The following SLC24A2 variants were observed in gnomAD, a reference collection of about 807,000 sequenced individuals.
SLC24A2 encodes sodium/potassium/calcium exchanger 2.
Under a neutral mutation model 62.0 loss-of-function variants are expected in SLC24A2, and 36 were observed. That is an observed-to-expected ratio of 0.58 (90% CI 0.44 to 0.77). The LOEUF is 0.77. Among genes scored for constraint, SLC24A2 ranks in the 30% least tolerant of loss-of-function variants. SLC24A2 has a pLI of 0.00. For synonymous variants in SLC24A2, 358 were observed against 294.0 expected, an observed-to-expected ratio of 1.22 and a Z score of -2.23; for missense variants, 846 against 817.9, an observed-to-expected ratio of 1.03 and a Z score of -0.42.
chr9:19,827,327 G>A, the SLC24A2 span, among the ~76,000 whole-genome samples: 3 of 152,070 alleles, frequency 2.0e-5, no homozygotes, highest in Admixed American at 1.3e-4. Flanking sequence ...CAGTGTAGAC[G>A]CAAGATGACT....
At chr9:19,984,026 G>A in the SLC24A2 span, among the ~76,000 whole-genome samples, 1 of 152,158 alleles carries the variant, frequency 6.6e-6, no homozygotes, top group Non-Finnish European at 1.5e-5. Context: ...TATGTCCAGA[G>A]AAATCTGTAA....
At chr9:20,189,308 T>C in the SLC24A2 span, among the ~76,000 whole-genome samples, 1 of 152,134 alleles carries the variant, frequency 6.6e-6, no homozygotes. Flanking sequence ...AGAACAACAA[T>C]GAAGTTGTCA....
the SLC24A2 span, among the ~76,000 whole-genome samples, chr9:20,121,615 A>G: frequency 2.6e-5 from 4 of 152,342 alleles, no homozygotes; most frequent in East Asian, 5.8e-4. Flanking sequence ...GAAACGTGTT[A>G]TAAGTGCTTA....
the SLC24A2 span, chr9:19,927,424 A>C: frequency 6.6e-6 from 1 of 152,228 alleles, no homozygotes; most frequent in Non-Finnish European, 1.5e-5. Flanking sequence ...ATCTAATGAA[A>C]GTCAAGAGCT....
At chr9:20,081,117 C>T in the SLC24A2 span, among the ~76,000 whole-genome samples, 3 of 152,304 alleles carry the variant, frequency 2.0e-5, no homozygotes, top group East Asian at 5.8e-4. Context: ...ACCCAGCCAT[C>T]CCATTACTGG....
the SLC24A2 span, among the ~76,000 whole-genome samples, chr9:20,177,245 T>TAA: frequency 1.3e-5 from 2 of 151,914 alleles, no homozygotes; most frequent in African/African-American, 4.8e-5. Context: ...CTTTCAAAAG[T>TAA]AAAAAAAAGG....
the SLC24A2 span, among the ~76,000 whole-genome samples, chr9:20,064,968 A>T: frequency 6.6e-6 from 1 of 152,164 alleles, no homozygotes; most frequent in Non-Finnish European, 1.5e-5. Flanking sequence ...GGCAGGTGAA[A>T]GTGAGTAGTG....
chr9:20,131,601 G>A, the SLC24A2 span, among the ~76,000 whole-genome samples: 25 of 152,262 alleles, frequency 1.6e-4, no homozygotes, highest in African/African-American at 6.0e-4. Flanking sequence ...AGGGAAAGCT[G>A]TGAGCCATAG....
At chr9:19,661,113 T>G (rs1282551037) in intron 2 of SLC24A2, among the ~76,000 whole-genome samples, 1 of 152,162 alleles carries the variant, frequency 6.6e-6, no homozygotes, top group East Asian at 1.9e-4. Flanking sequence ...GTGAGAAACT[T>G]CACCTGTGTG....
chr9:19,655,521 T>C (rs984393298), intron 2 of SLC24A2, among the ~76,000 whole-genome samples: 3 of 152,228 alleles, frequency 2.0e-5, no homozygotes, highest in Admixed American at 2.0e-4. Context: ...TGAGGACTCT[T>C]TGGAAAGTCT....
chr9:19,513,186 A>G lies in SLC24A2; in HGVS notation c.*2967T>C, dbSNP rs909780553. On this transcript the variant is annotated 3_prime_UTR_variant, in exon 11 of 11. Coordinates refer to ENST00000341998, the MANE Select transcript of SLC24A2 (RefSeq NM_020344.4). ...TATATATATATATATGTATATATAT[A>G]TATATGTATATATTTATATATGTAT... 3 of 137,198 alleles carry G rather than the reference A, an allele frequency of 2.2e-5. No individual in the cohort carries two copies. Among genetic ancestry groups the G allele is most frequent in the East Asian group, 4.5e-4 (2 of 4,420 alleles). 8.5% of individuals were successfully genotyped at this position (137,198 alleles called of 1,614,324 possible).
intron 2 of SLC24A2, among the ~76,000 whole-genome samples, chr9:19,704,295 G>T (rs994175175): frequency 2.0e-5 from 3 of 152,278 alleles, no homozygotes; most frequent in African/African-American, 7.2e-5. Flanking sequence ...GCAATTAAAT[G>T]AAATAGGGTG....
At chr9:19,970,086 C>T in the SLC24A2 span, among the ~76,000 whole-genome samples, 1 of 152,196 alleles carries the variant, frequency 6.6e-6, no homozygotes, top group African/African-American at 2.4e-5. Flanking sequence ...CAACAGCAAG[C>T]AAGCTGCAGT....
intron 2 of SLC24A2, among the ~76,000 whole-genome samples, chr9:19,630,937 G>T (rs1425297038): frequency 2.0e-5 from 3 of 152,190 alleles, no homozygotes; most frequent in African/African-American, 7.2e-5. Context: ...ATGTCACGAA[G>T]ATGAGTTATA....
the SLC24A2 span, among the ~76,000 whole-genome samples, chr9:19,832,253 C>A: frequency 1.3e-5 from 2 of 152,124 alleles, no homozygotes; most frequent in African/African-American, 4.8e-5. Flanking sequence ...TTAAAGAAAC[C>A]CATAATATAT....
chr9:19,905,854 G>T, the SLC24A2 span, among the ~76,000 whole-genome samples: 1 of 152,238 alleles, frequency 6.6e-6, no homozygotes, highest in South Asian at 2.1e-4. Flanking sequence ...TGCACAAGAG[G>T]TCACAGAAAA....
the SLC24A2 span, among the ~76,000 whole-genome samples, chr9:19,965,183 A>C: frequency 2.2e-4 from 33 of 152,116 alleles, no homozygotes; most frequent in African/African-American, 8.0e-4. Context: ...CCACTTGTAT[A>C]ACACCAGTAG....
the SLC24A2 span, among the ~76,000 whole-genome samples, chr9:19,864,812 A>G: frequency 6.6e-6 from 1 of 152,118 alleles, no homozygotes; most frequent in Non-Finnish European, 1.5e-5. Context: ...ATTGTTATTC[A>G]ACATAGTACT....
At position 19,527,913 on chromosome 9, in the gene SLC24A2, G is replaced by C. The variant is rs895474500; in HGVS notation, c.1569+136C>G. ...AAAGTTAAGTGGATAAATTCCTCTA[G>C]TCCTGGAATGCTAACTCGTCTGTGT... On this transcript the variant is annotated intron_variant, in intron 9 of 10. Transcript: ENST00000341998. 5.7e-6 allele frequency: 4 copies of C among 704,022 alleles called. No homozygotes were observed. In the African/African-American group the frequency reaches 7.0e-5, roughly 12 times the overall value. 43.6% of individuals were successfully genotyped at this position (704,022 alleles called of 1,614,324 possible). A position where few individuals can be genotyped will look rare whatever the true frequency, so the allele number is the denominator to read the frequency against.
Sources: allele counts gnomAD v4.1 joint callset (sites outside exome capture counted in the v4.1 genomes callset), GRCh38; gene constraint gnomAD v4.1.1; transcripts MANE v1.5; gene names NCBI Gene and HGNC (gene_info 2026-07-23, HGNC 2026-07-21).